The following PDZRN4 variants were observed in gnomAD, a reference collection of about 807,000 sequenced individuals.
PDZRN4 encodes PDZ domain containing ring finger 4, also known as PDZ domain-containing RING finger protein 4.
Under a neutral mutation model 99.0 loss-of-function variants are expected in PDZRN4, and 70 were observed. The ratio of observed to expected loss-of-function variants is 0.71; its 90% CI spans 0.58 to 0.86. PDZRN4 has a LOEUF of 0.86. PDZRN4 is among the 40% of genes least tolerant of loss of function. The pLI is 0.00. For missense variants in PDZRN4, 1,474 were observed against 1,331.2 expected (o/e 1.11, Z -1.67); for synonymous variants, 551 against 501.6 (o/e 1.10, Z -1.32).
intron 3 of PDZRN4, among the ~76,000 whole-genome samples, chr12:41,412,856 G>A (rs1156321958): frequency 6.6e-6 from 1 of 152,108 alleles, no homozygotes; most frequent in Non-Finnish European, 1.5e-5. Flanking sequence ...TTGGGAGGCC[G>A]AGGTGGGCAG....
chr12:41,305,523 G>C lies in PDZRN4; in HGVS notation c.843+111335G>C, dbSNP rs1254513099. On this transcript the variant is annotated intron_variant, in intron 3 of 9. Coordinates refer to ENST00000402685, the MANE Select transcript of PDZRN4 (RefSeq NM_001164595.2). ...AAATTGCCAGAAGATTTGGTATCTT[G>C]TGTGGGCTGCCTTGTAGGTGGGTCC... Among the ~76,000 whole-genome samples, 3 of 152,096 alleles carry C rather than the reference G, an allele frequency of 2.0e-5. No individual in the cohort carries two copies. In the East Asian group the frequency reaches 5.8e-4, roughly 29 times the overall value.
At chr12:41,393,883 G>A (rs1458675282) in intron 3 of PDZRN4, among the ~76,000 whole-genome samples, 1 of 152,142 alleles carries the variant, frequency 6.6e-6, no homozygotes, top group Non-Finnish European at 1.5e-5. Context: ...CAGAACACCT[G>A]GTTGTTAGGT....
chr12:41,293,633 G>A (rs756346714), intron 3 of PDZRN4, among the ~76,000 whole-genome samples: 7 of 152,134 alleles, frequency 4.6e-5, no homozygotes, highest in Non-Finnish European at 8.8e-5. Context: ...ACTCCAAGTA[G>A]AGGCAGAAAT....
intron 7 of PDZRN4, among the ~76,000 whole-genome samples, chr12:41,558,585 C>T (rs1424400718): frequency 7.6e-6 from 1 of 131,434 alleles, no homozygotes; most frequent in African/African-American, 3.7e-5. Flanking sequence ...TATGACACTT[C>T]CAAAATCCTT....
At chr12:41,309,826 G>C (rs373510061) in intron 3 of PDZRN4, among the ~76,000 whole-genome samples, 18 of 152,178 alleles carry the variant, frequency 1.2e-4, no homozygotes, top group African/African-American at 3.6e-4. Context: ...GGAAAGTATT[G>C]ATTATCAGAC....
chr12:41,555,737 C>T lies in PDZRN4; in HGVS notation c.1342C>T (p.Arg448Ter). The T allele has an allele frequency of 6.2e-7, 1 of 1,613,954 alleles. No homozygotes were observed. Among genetic ancestry groups the T allele is most frequent in the Non-Finnish European group, 8.5e-7 (1 of 1,179,880 alleles). The change falls in exon 7 of 10, where the codon CGA becomes TGA. Residue 448 changes from arginine (R) to a stop codon, truncating the protein, a stop_gained. Transcript: ENST00000402685. LOFTEE classifies it high-confidence loss of function. Reference sequence around the variant, plus strand: ...CATTGCTGCCAAAGACGGCCGGATTCGAGAAGGGGATCGGATTTTGCAAGT... The same window carrying T: ...CATTGCTGCCAAAGACGGCCGGATTTGAGAAGGGGATCGGATTTTGCAAGT... ...NSIAAKDGRI[R>*]EGDRILQING...
At chr12:41,319,845 C>A (rs1217169174) in intron 3 of PDZRN4, among the ~76,000 whole-genome samples, 1 of 152,182 alleles carries the variant, frequency 6.6e-6, no homozygotes, top group South Asian at 2.1e-4. Flanking sequence ...TGCCTGCAAC[C>A]CTTGCAGAAG....
chr12:41,327,154 G>A (rs1951714767), intron 3 of PDZRN4, among the ~76,000 whole-genome samples: 2 of 152,096 alleles, frequency 1.3e-5, no homozygotes. Context: ...CTAACTTGGG[G>A]TGGTAAGTGC....
intron 3 of PDZRN4, among the ~76,000 whole-genome samples, chr12:41,408,867 C>G (rs1952369931): frequency 6.6e-6 from 1 of 151,476 alleles, no homozygotes; most frequent in African/African-American, 2.4e-5. Flanking sequence ...CCCCCTTTTT[C>G]TTTCTCCTTA....
chr12:41,235,296 G>GC (rs1022639254), intron 3 of PDZRN4, among the ~76,000 whole-genome samples: 1 of 151,852 alleles, frequency 6.6e-6, no homozygotes, highest in African/African-American at 2.4e-5. Context: ...TGTTTCTTTT[G>GC]CAACAATATA....
chr12:41,365,520 T>C (rs1049561267), intron 3 of PDZRN4, among the ~76,000 whole-genome samples: 4 of 152,132 alleles, frequency 2.6e-5, no homozygotes, highest in Non-Finnish European at 4.4e-5. Flanking sequence ...TAATTAATCA[T>C]TATGAAATAA....
chr12:41,262,989 A>T (rs61556544), intron 3 of PDZRN4, among the ~76,000 whole-genome samples: 19,253 of 151,730 alleles, frequency 0.13, 2,160 homozygotes, highest in African/African-American at 0.3. Context: ...TATCTCACTA[A>T]CTAAACCACA....
intron 3 of PDZRN4, among the ~76,000 whole-genome samples, chr12:41,382,573 C>T (rs1371425578): frequency 6.6e-6 from 1 of 152,076 alleles, no homozygotes; most frequent in Non-Finnish European, 1.5e-5. Context: ...AGAAGAGGGC[C>T]CTAGGACTCT....
chr12:41,383,092 A>C (rs567770549), intron 3 of PDZRN4, among the ~76,000 whole-genome samples: 1 of 152,324 alleles, frequency 6.6e-6, no homozygotes, highest in African/African-American at 2.4e-5. Flanking sequence ...CTCAGATATG[A>C]CTGTTCAACA....
At chr12:41,223,683 A>G (rs1247546501) in intron 3 of PDZRN4, among the ~76,000 whole-genome samples, 1 of 152,132 alleles carries the variant, frequency 6.6e-6, no homozygotes. Flanking sequence ...CTGAAGTAGT[A>G]CTCAAGCCTG....
intron 3 of PDZRN4, among the ~76,000 whole-genome samples, chr12:41,459,319 T>A (rs1032067695): frequency 1.3e-5 from 2 of 152,222 alleles, no homozygotes; most frequent in Non-Finnish European, 2.9e-5. Flanking sequence ...TGATCCAAGG[T>A]GATGTAACAA....
intron 5 of PDZRN4, among the ~76,000 whole-genome samples, chr12:41,510,335 C>G (rs754846493): frequency 1.3e-5 from 2 of 152,076 alleles, no homozygotes; most frequent in Admixed American, 6.6e-5. Flanking sequence ...ATGCAATACT[C>G]TCTTTGTGCC....
At chr12:41,400,367 A>C (rs1329528779) in intron 3 of PDZRN4, among the ~76,000 whole-genome samples, 3 of 152,160 alleles carry the variant, frequency 2.0e-5, no homozygotes, top group Admixed American at 2.0e-4. Context: ...TCCATGTGAA[A>C]TAGTCCACTA....
chr12:41,271,064 T>G (rs1951311512), intron 3 of PDZRN4, among the ~76,000 whole-genome samples: 1 of 152,136 alleles, frequency 6.6e-6, no homozygotes, highest in Non-Finnish European at 1.5e-5. Flanking sequence ...AATTTGCTTT[T>G]ATATTATTTT....
Sources: allele counts gnomAD v4.1 joint callset (sites outside exome capture counted in the v4.1 genomes callset), GRCh38; gene constraint gnomAD v4.1.1; transcripts MANE v1.5; gene names NCBI Gene and HGNC (gene_info 2026-07-23, HGNC 2026-07-21).